The following MPPED1 variants were observed in gnomAD, a reference collection of about 807,000 sequenced individuals.
The protein encoded by MPPED1 is metallophosphoesterase domain-containing protein 1.
Under a neutral mutation model 36.2 loss-of-function variants are expected in MPPED1, and 16 were observed. The observed-to-expected ratio is 0.44, with a 90% confidence interval of 0.30 to 0.67. The LOEUF (loss-of-function observed/expected upper bound fraction) is 0.67. MPPED1 is among the 30% of genes least tolerant of loss of function. The pLI is 0.10. For synonymous variants in MPPED1, 199 were observed against 191.3 expected (o/e 1.04, Z -0.33); for missense variants, 307 against 453.4 (o/e 0.68, Z 2.93).
At chr22:43,421,893 T>G (rs889306996) in intron 1 of MPPED1, among the ~76,000 whole-genome samples, 2 of 152,238 alleles carry the variant, frequency 1.3e-5, no homozygotes, top group Non-Finnish European at 2.9e-5. Flanking sequence ...GTCATCTCAT[T>G]GAATATTCAT....
intron 4 of MPPED1, among the ~76,000 whole-genome samples, chr22:43,489,880 G>A (rs1019657751): frequency 9.2e-5 from 14 of 152,244 alleles, no homozygotes. Context: ...TGGAGCTCCC[G>A]GGTATTTAGA....
At chr22:43,472,061 A>C (rs899865678) in intron 3 of MPPED1, among the ~76,000 whole-genome samples, 3 of 152,214 alleles carry the variant, frequency 2.0e-5, no homozygotes, top group Non-Finnish European at 4.4e-5. Flanking sequence ...GTGAGACGGT[A>C]GGGACAGGTG....
chr22:43,504,590 G>A (rs896308603), intron 6 of MPPED1, among the ~76,000 whole-genome samples: 1 of 151,724 alleles, frequency 6.6e-6, no homozygotes, highest in African/African-American at 2.4e-5. Flanking sequence ...GATGTTGATG[G>A]TGATGGTGGC....
chr22:43,445,560 T>G (rs77923639), intron 3 of MPPED1, among the ~76,000 whole-genome samples: 52,927 of 139,928 alleles, frequency 0.38, 12,133 homozygotes, highest in Non-Finnish European at 0.53. Context: ...GATGTTTCCT[T>G]TTTTTTTTTT....
intron 2 of MPPED1, among the ~76,000 whole-genome samples, chr22:43,427,847 G>A (rs926045149): frequency 6.6e-6 from 1 of 152,076 alleles, no homozygotes; most frequent in Admixed American, 6.6e-5. Context: ...GCATAGCTCG[G>A]AAAGCTGGTC....
intron 4 of MPPED1, among the ~76,000 whole-genome samples, chr22:43,476,172 C>G (rs548222172): frequency 6.6e-6 from 1 of 152,252 alleles, no homozygotes; most frequent in South Asian, 2.1e-4. Flanking sequence ...AACCTTATCT[C>G]TAATCCTTAC....
At chr22:43,467,450 T>C (rs1931211631) in intron 3 of MPPED1, among the ~76,000 whole-genome samples, 1 of 152,218 alleles carries the variant, frequency 6.6e-6, no homozygotes, top group African/African-American at 2.4e-5. Context: ...ATTCCCTTTC[T>C]CTGCATGGTC....
At chr22:43,413,644 GCA>G (rs926866322) in intron 1 of MPPED1, among the ~76,000 whole-genome samples, 1 of 152,242 alleles carries the variant, frequency 6.6e-6, no homozygotes, top group Admixed American at 6.5e-5. Flanking sequence ...TGGGAACCAC[GCA>G]TGATAAACTG....
intron 3 of MPPED1, among the ~76,000 whole-genome samples, chr22:43,443,912 G>GCC (rs1930238468): frequency 4.6e-5 from 7 of 152,120 alleles, no homozygotes; most frequent in African/African-American, 1.7e-4. Flanking sequence ...AGGGATTTTG[G>GCC]TTGCGTACGC....
At chr22:43,488,565 C>T (rs915410533) in intron 4 of MPPED1, among the ~76,000 whole-genome samples, 1 of 152,160 alleles carries the variant, frequency 6.6e-6, no homozygotes, top group African/African-American at 2.4e-5. Context: ...CATAAGAGCA[C>T]AAAAAAGCTG....
chr22:43,503,694 G>T (rs1439120422), intron 6 of MPPED1, among the ~76,000 whole-genome samples: 6 of 152,210 alleles, frequency 3.9e-5, no homozygotes, highest in Non-Finnish European at 7.3e-5. Flanking sequence ...ATCAAAGCAG[G>T]ATGTGAGAGG....
intron 3 of MPPED1, among the ~76,000 whole-genome samples, chr22:43,462,188 G>A (rs1337410151): frequency 6.6e-6 from 1 of 152,226 alleles, no homozygotes; most frequent in Non-Finnish European, 1.5e-5. Flanking sequence ...ACAAGTGAAA[G>A]GTCAGGGTGG....
At chr22:43,431,917 G>A (rs2146828134) in intron 2 of MPPED1, among the ~76,000 whole-genome samples, 1 of 152,308 alleles carries the variant, frequency 6.6e-6, no homozygotes. Context: ...AAGCCTCGGG[G>A]TGCAGGGAAA....
chr22:43,481,986 C>G (rs909022992), intron 4 of MPPED1, among the ~76,000 whole-genome samples: 5 of 152,200 alleles, frequency 3.3e-5, no homozygotes, highest in Admixed American at 3.3e-4. Context: ...GGCGCCGTGA[C>G]GTTCCAGGGC....
intron 3 of MPPED1, among the ~76,000 whole-genome samples, chr22:43,441,599 G>C (rs895862341): frequency 6.6e-6 from 1 of 152,212 alleles, no homozygotes; most frequent in African/African-American, 2.4e-5. Context: ...AGGCAGGGGA[G>C]GAAGATGAGG....
At chr22:43,480,383 G>A (rs190912680) in intron 4 of MPPED1, among the ~76,000 whole-genome samples, 1 of 152,284 alleles carries the variant, frequency 6.6e-6, no homozygotes, top group African/African-American at 2.4e-5. Flanking sequence ...CCTTGCAGTG[G>A]GTTGATTCTC....
chr22:43,464,384 A>C (rs1054169400), intron 3 of MPPED1, among the ~76,000 whole-genome samples: 4 of 151,270 alleles, frequency 2.6e-5, no homozygotes, highest in African/African-American at 9.7e-5. Flanking sequence ...GTCTTTGGGC[A>C]AGCCCTATAT....
intron 3 of MPPED1, among the ~76,000 whole-genome samples, chr22:43,471,259 A>G (rs1931365444): frequency 6.6e-6 from 1 of 152,200 alleles, no homozygotes; most frequent in Non-Finnish European, 1.5e-5. Flanking sequence ...TGCAGGATGG[A>G]TGGGTGATGT....
chr22:43,462,181 A>T (rs1207638802), intron 3 of MPPED1, among the ~76,000 whole-genome samples: 3 of 152,242 alleles, frequency 2.0e-5, no homozygotes, highest in Non-Finnish European at 4.4e-5. Context: ...AGGCAGAACA[A>T]GTGAAAGGTC....
Sources: allele counts gnomAD v4.1 joint callset (sites outside exome capture counted in the v4.1 genomes callset), GRCh38; gene constraint gnomAD v4.1.1; transcripts MANE v1.5; gene names NCBI Gene and HGNC (gene_info 2026-07-23, HGNC 2026-07-21).